The following CHAF1A variants were observed in gnomAD, a reference collection of about 807,000 sequenced individuals.
CHAF1A encodes CAF-1 subunit A.
A neutral mutation model predicts 93.2 loss-of-function variants in CHAF1A; 5 were observed. The observed-to-expected ratio is 0.05, with a 90% CI of 0.03 to 0.11. The LOEUF is 0.11. Ranked by LOEUF, CHAF1A falls within the 10% of genes least tolerant of loss-of-function variation. CHAF1A has a pLI of 1.00. For missense variants in CHAF1A, 1,102 were observed against 1,259.9 expected (o/e 0.87, Z 1.90); for synonymous variants, 504 against 510.3 (o/e 0.99, Z 0.17).
chr19:4,427,039 C>G (rs564269609), intron 7 of CHAF1A, among the ~76,000 whole-genome samples: 2 of 147,640 alleles, frequency 1.4e-5, no homozygotes. Context: ...TGCAGTGAGC[C>G]GAGATTGCAC....
At chr19:4,405,522 C>T (rs948497565) in intron 1 of CHAF1A, among the ~76,000 whole-genome samples, 1 of 151,522 alleles carries the variant, frequency 6.6e-6, no homozygotes, top group Admixed American at 6.6e-5. Context: ...GCAGGAGAAT[C>T]GCTTGAACCC....
downstream of CHAF1A, chr19:4,444,536 C>T (rs1368447778): frequency 6.6e-6 from 1 of 152,590 alleles, no homozygotes; most frequent in Non-Finnish European, 1.5e-5. Context: ...CTTCCTCCAC[C>T]TTCACAGCCA....
chr19:4,410,300 TGA>T (rs1354829275), intron 3 of CHAF1A, among the ~76,000 whole-genome samples: 1 of 151,890 alleles, frequency 6.6e-6, no homozygotes, highest in African/African-American at 2.4e-5. Context: ...CCCAGCACTT[TGA>T]GAGGCCGAGG....
chr19:4,411,644 C>CTTTTCTTTTTTTTTTTTT (rs1973802190), intron 3 of CHAF1A, among the ~76,000 whole-genome samples: 1 of 48,204 alleles, frequency 2.1e-5, no homozygotes, highest in African/African-American at 7.9e-5. Flanking sequence ...TGGTGCAAAT[C>CTTTTCTTTTTTTTTTTTT]TTTTTTTTTT....
At chr19:4,443,704 C>T (rs1294612950), downstream of CHAF1A, among the ~76,000 whole-genome samples, 1 of 152,146 alleles carries the variant, frequency 6.6e-6, no homozygotes, top group Non-Finnish European at 1.5e-5. Context: ...AGTTTGGCTT[C>T]GAGTCTGAGG....
chr19:4,428,612 C>T, intron 7 of CHAF1A, 52 bp from the exon 8 acceptor site: 4 of 1,488,590 alleles, frequency 2.7e-6, no homozygotes, highest in Non-Finnish European at 3.7e-6. Flanking sequence ...GTCCATGGTG[C>T]CTCCTTTCTC....
intron 7 of CHAF1A, among the ~76,000 whole-genome samples, chr19:4,426,717 G>A (rs374212185): frequency 6.6e-6 from 1 of 151,814 alleles, no homozygotes; most frequent in Non-Finnish European, 1.5e-5. Flanking sequence ...CAGGTGATCC[G>A]CCTACCTCGG....
chr19:4,405,871 G>C, intron 1 of CHAF1A, 41 bp from the exon 2 acceptor site: 1 of 1,578,502 alleles, frequency 6.3e-7, no homozygotes, highest in South Asian at 1.1e-5. Context: ...TTGATTATTT[G>C]CAGAATTTAA....
chr19:4,427,008 C>T (rs1189176987), intron 7 of CHAF1A, among the ~76,000 whole-genome samples: 2 of 151,106 alleles, frequency 1.3e-5, no homozygotes, highest in African/African-American at 4.9e-5. Flanking sequence ...AGGAGAATCG[C>T]CCAACCCAGG....
intron 3 of CHAF1A, among the ~76,000 whole-genome samples, chr19:4,413,821 A>G (rs933087994): frequency 6.6e-6 from 1 of 152,182 alleles, no homozygotes; most frequent in South Asian, 2.1e-4. Context: ...TGGAGAAACA[A>G]TGATTTAAAA....
At chr19:4,429,255 C>A in intron 8 of CHAF1A, 183 bp from the exon 9 acceptor site, 1 of 696,046 alleles carries the variant, frequency 1.4e-6, no homozygotes, top group Non-Finnish European at 2.4e-6. Context: ...GCAGGCTGCA[C>A]CCTCCTCCAT....
chr19:4,402,659 C>CGCGGCGGCA lies in CHAF1A; in HGVS notation c.-101_-93dup, dbSNP rs1387353212. 1.0e-5 allele frequency: 5 copies of CGCGGCGGCA among 492,038 alleles called. No homozygotes were observed. The highest frequency in any genetic ancestry group is 9.2e-5 in the East Asian group (2 of 21,678). The allele number at this position is 492,038 out of a possible 1,614,324, so 30.5% of individuals were successfully genotyped here. ...TCCCGCCAAATACGAGCGCGGCGGCCGCGGCGGCAGCAGCGGCGCGGGCGG... is the reference window on the plus strand; with the variant it reads ...TCCCGCCAAATACGAGCGCGGCGGCCGCGGCGGCAGCGGCGGCAGCAGCGGCGCGGGCGG... On this transcript the variant is annotated 5_prime_UTR_variant, in exon 1 of 15. Coordinates refer to ENST00000301280, the MANE Select transcript of CHAF1A (RefSeq NM_005483.3).
chr19:4,413,616 C>A (rs1003675096), intron 3 of CHAF1A, among the ~76,000 whole-genome samples: 3 of 152,164 alleles, frequency 2.0e-5, no homozygotes, highest in African/African-American at 7.2e-5. Context: ...CATTGAGAGT[C>A]CCAGGGCAGT....
chr19:4,436,432 G>C (rs1974284496), intron 13 of CHAF1A, among the ~76,000 whole-genome samples: 1 of 152,220 alleles, frequency 6.6e-6, no homozygotes, highest in South Asian at 2.1e-4. Context: ...GGGAAGCTCA[G>C]TGCATTGGAG....
rs117668305 is a variant in CHAF1A, at chr19:4,429,824, G to A, written c.1854+36G>A. ...GCCCCAGCTGTCTTCACTCACAGAC[G>A]GCTTGTGTTTGAGTCTCTGTCCCAC... On this transcript the variant is annotated intron_variant, in intron 10 of 14. Coordinates refer to ENST00000301280, the MANE Select transcript of CHAF1A (RefSeq NM_005483.3). The A allele has an allele frequency of 1.0e-4, 162 of 1,556,954 alleles. No homozygotes were observed. In the East Asian group the frequency reaches 1.4e-3, roughly 13 times the overall value.
intron 3 of CHAF1A, 121 bp from the exon 4 acceptor site, chr19:4,417,899 G>A: frequency 1.6e-6 from 1 of 623,182 alleles, no homozygotes; most frequent in Non-Finnish European, 2.9e-6. Flanking sequence ...ACTGGAGTTT[G>A]TGACCCTATT....
rs781686142 is a variant in CHAF1A, at chr19:4,442,908, CCT to C, written c.2771-12_2771-11del. ...AGGGCCCAGCCAGCTCAAGACCCTC[CCT>C]CTCTTGCCCTGCAGAGGTCCAAGCC... On this transcript the variant is annotated splice_polypyrimidine_tract_variant and intron_variant, in intron 14 of 14. Transcript: ENST00000301280. 53 of 1,546,536 alleles carry C rather than the reference CCT, an allele frequency of 3.4e-5. No individual in the cohort carries two copies. The highest frequency in any genetic ancestry group is 4.6e-5 in the Non-Finnish European group (53 of 1,146,850).
Position 4,428,730 on chromosome 19 carries a change from C to G in CHAF1A, c.1444C>G (p.Arg482Gly), listed in dbSNP as rs755737623. 6.2e-6 allele frequency: 10 copies of G among 1,614,164 alleles called. No individual in the cohort carries two copies. In the South Asian group the frequency reaches 9.9e-5, roughly 16 times the overall value. ...TAAAGAGCACATGGTCCTGGCCCCT[C>G]GGCGTCGGACCGCTTTCCATCCAGA... is the stretch of plus-strand genomic sequence containing the variant. Reference protein sequence around the residue: ...EIKEHMVLAPRRRTAFHPDLC... With the variant: ...EIKEHMVLAPGRRTAFHPDLC... Residue 482 changes from arginine to glycine, a missense_variant, in exon 8 of 15, where the codon CGG (arginine) becomes GGG (glycine). Around this residue, in one of 6 missense-constraint regions of CHAF1A, gnomAD observed 165 missense variants for 243.9 expected, o/e 0.68. Transcript: ENST00000301280.
At chr19:4,411,477 G>A (rs1016115207) in intron 3 of CHAF1A, among the ~76,000 whole-genome samples, 4 of 151,874 alleles carry the variant, frequency 2.6e-5, no homozygotes, top group East Asian at 1.9e-4. Context: ...TAATCCACCC[G>A]CCTTGGCCTC....
Sources: allele counts gnomAD v4.1 joint callset (sites outside exome capture counted in the v4.1 genomes callset), GRCh38; gene constraint gnomAD v4.1.1; regional missense constraint gnomAD v4.1.1; transcripts MANE v1.5; gene names NCBI Gene and HGNC (gene_info 2026-07-23, HGNC 2026-07-21).